The following STAB2 variants were observed in gnomAD, a reference collection of about 807,000 sequenced individuals.
The protein encoded by STAB2 is stabilin 2.
In STAB2, 288 loss-of-function variants were observed where a neutral mutation model predicts 338.1. The ratio of observed to expected loss-of-function variants is 0.85; its 90% CI spans 0.77 to 0.94. The LOEUF (loss-of-function observed/expected upper bound fraction) is 0.94, where lower values mean the gene tolerates loss of function less well. Ranked by LOEUF, STAB2 falls within the 40% of genes least tolerant of loss-of-function variation. The pLI is 0.00. For synonymous variants in STAB2, 1,202 were observed against 1,193.3 expected (o/e 1.01, Z -0.15); for missense variants, 3,141 against 3,210.1 (o/e 0.98, Z 0.52).
intron 12 of STAB2, among the ~76,000 whole-genome samples, chr12:103,653,860 AT>A (rs1873970303): frequency 6.7e-6 from 1 of 149,628 alleles, no homozygotes; most frequent in African/African-American, 2.5e-5. Flanking sequence ...GGATGGATGG[AT>A]GGATGGATGG....
At chr12:103,728,512 C>T (rs901919495) in intron 47 of STAB2, among the ~76,000 whole-genome samples, 22 of 152,324 alleles carry the variant, frequency 1.4e-4, no homozygotes, top group African/African-American at 5.3e-4. Flanking sequence ...ATATACTATG[C>T]AGTGTTTCCC....
intron 44 of STAB2, among the ~76,000 whole-genome samples, chr12:103,724,045 G>C (rs573254830): frequency 6.6e-6 from 1 of 152,088 alleles, no homozygotes; most frequent in Non-Finnish European, 1.5e-5. Flanking sequence ...ACACTGCCAC[G>C]GACGGCAACA....
At chr12:103,659,241 G>A (rs955327290) in intron 15 of STAB2, among the ~76,000 whole-genome samples, 11 of 152,200 alleles carry the variant, frequency 7.2e-5, no homozygotes, top group South Asian at 4.1e-4. Context: ...GAGGTGCCAG[G>A]ACAATAGGCA....
intron 30 of STAB2, among the ~76,000 whole-genome samples, chr12:103,691,331 A>G (rs982472504): frequency 2.0e-5 from 3 of 152,350 alleles, no homozygotes; most frequent in African/African-American, 4.8e-5. Context: ...CCCACTCATC[A>G]GTGTGAGCAC....
intron 65 of STAB2, 45 bp downstream of exon 65, chr12:103,759,318 T>C (rs764932096): frequency 3.7e-6 from 6 of 1,603,712 alleles, no homozygotes; most frequent in Admixed American, 1.7e-5. Flanking sequence ...AGATAATGCA[T>C]GCAAAGTTCC....
chr12:103,699,334 T>C (rs1878667311), intron 34 of STAB2, 107 bp downstream of exon 34: 2 of 1,382,572 alleles, frequency 1.4e-6, no homozygotes, highest in Non-Finnish European at 1.9e-6. Context: ...ACTTCTGTAT[T>C]AGTCAGTTTT....
At chr12:103,637,050 T>TG (rs1957558174) in intron 6 of STAB2, 61 bp from the exon 7 acceptor site, 14 of 1,509,152 alleles carry the variant, frequency 9.3e-6, no homozygotes, top group African/African-American at 2.9e-5. Context: ...TACTGCAGTT[T>TG]GGGGGTCTTA....
intron 5 of STAB2, among the ~76,000 whole-genome samples, chr12:103,626,859 C>T (rs2138652063): frequency 6.6e-6 from 1 of 152,316 alleles, no homozygotes; most frequent in Admixed American, 6.5e-5. Flanking sequence ...TCGAGCTGCA[C>T]CAGCCAAAGA....
At position 103,723,919 on chromosome 12, in the gene STAB2, CAG is replaced by C. The variant is rs201303654; in HGVS notation, c.4684-1047_4684-1046del. ...AGTTGAAATGATAAAAGTTGGTGGC[CAG>C]AGAGAGAGGGATGCTTGAAATGGAG... On this transcript the variant is annotated intron_variant, in intron 44 of 68. Transcript: ENST00000388887. 2.3e-4 allele frequency among the ~76,000 whole-genome samples: 34 copies of C among 145,732 alleles called. No individual in the cohort carries two copies. The East Asian group carries it at 6.2e-3, about 26-fold the overall frequency.
chr12:103,674,000 T>G lies in STAB2; in HGVS notation c.2465T>G (p.Leu822Arg). Residue 822 changes from leucine to arginine, a missense_variant, in exon 23 of 69, where the codon CTC becomes CGC. Coordinates refer to ENST00000388887, the MANE Select transcript of STAB2 (RefSeq NM_017564.10). ...TGCAGAGACGGCTCTGCCGGGAGACTCTGTGATAAGCAGACCTCAGCCTGT... is the reference window on the plus strand; with the variant it reads ...TGCAGAGACGGCTCTGCCGGGAGACGCTGTGATAAGCAGACCTCAGCCTGT... ...GTCRDGSAGR[L>R]CDKQTSACGP... 5.0e-6 allele frequency: 8 copies of G among 1,614,074 alleles called. No individual in the cohort carries two copies. Among genetic ancestry groups the G allele is most frequent in the Non-Finnish European group, 6.8e-6 (8 of 1,180,010 alleles).
At chr12:103,666,053 C>T (rs1023927922) in intron 18 of STAB2, among the ~76,000 whole-genome samples, 1 of 152,202 alleles carries the variant, frequency 6.6e-6, no homozygotes, top group Non-Finnish European at 1.5e-5. Flanking sequence ...AAGGGGGCTG[C>T]TCTGAGCAGG....
chr12:103,631,441 T>A (rs201744406), intron 5 of STAB2, among the ~76,000 whole-genome samples, 157 bp from the exon 6 acceptor site: 3 of 147,946 alleles, frequency 2.0e-5, no homozygotes, highest in Non-Finnish European at 1.5e-5. Context: ...ATGTTAAACT[T>A]AAAAAAAAAA....
At chr12:103,756,931 C>T (rs1884142248) in intron 63 of STAB2, among the ~76,000 whole-genome samples, 1 of 147,284 alleles carries the variant, frequency 6.8e-6, no homozygotes, top group South Asian at 2.1e-4. Flanking sequence ...AAGACGGTGT[C>T]AGAACAAAAC....
intron 27 of STAB2, among the ~76,000 whole-genome samples, chr12:103,687,491 C>T (rs750981280): frequency 6.6e-6 from 1 of 152,134 alleles, no homozygotes; most frequent in Non-Finnish European, 1.5e-5. Flanking sequence ...TATCTTATAG[C>T]TTCCCTTCAC....
chr12:103,732,726 A>G (rs1261786419), intron 50 of STAB2, among the ~76,000 whole-genome samples: 1 of 151,842 alleles, frequency 6.6e-6, no homozygotes, highest in Non-Finnish European at 1.5e-5. Context: ...GATCACTTGA[A>G]CCCACGAGGT....
intron 44 of STAB2, among the ~76,000 whole-genome samples, chr12:103,720,460 G>T (rs1237072990): frequency 6.6e-6 from 1 of 152,184 alleles, no homozygotes; most frequent in Non-Finnish European, 1.5e-5. Flanking sequence ...GGTGCTCTAA[G>T]CTATGTCAGC....
At chr12:103,619,768 C>A (rs1382153264) in intron 3 of STAB2, among the ~76,000 whole-genome samples, 1 of 151,990 alleles carries the variant, frequency 6.6e-6, no homozygotes, top group East Asian at 1.9e-4. Flanking sequence ...CCCCGCCACC[C>A]CACAACTCTC....
chr12:103,703,064 G>T, intron 34 of STAB2, 84 bp from the exon 35 acceptor site: 1 of 1,447,574 alleles, frequency 6.9e-7, no homozygotes, highest in Non-Finnish European at 9.3e-7. Context: ...CTAGGCAATT[G>T]TCCTATTGCT....
At chr12:103,706,415 C>T (rs868208734) in intron 37 of STAB2, among the ~76,000 whole-genome samples, 2 of 152,120 alleles carry the variant, frequency 1.3e-5, no homozygotes, top group African/African-American at 4.8e-5. Context: ...GAAATAACAT[C>T]GATGTGAAGG....
Sources: gnomAD v4.1 joint callset for allele counts (sites outside exome capture counted in the v4.1 genomes callset) on GRCh38, gnomAD v4.1.1 for gene constraint, MANE v1.5 for transcripts, NCBI Gene and HGNC (gene_info 2026-07-23, HGNC 2026-07-21) for gene names.